Variants in PRELID2 observed in about 807,000 individuals in gnomAD.
PRELID2 encodes the protein PRELI domain containing 2.
PRELID2 carries 25 observed loss-of-function variants against 28.4 expected under a neutral mutation model. The ratio of observed to expected loss-of-function variants is 0.88; its 90% CI spans 0.64 to 1.23. PRELID2 has a LOEUF of 1.23. Among genes scored for constraint, PRELID2 ranks in the 50% most tolerant of loss-of-function variants. The pLI is 0.00. For missense variants in PRELID2, 201 were observed against 214.4 expected, an observed-to-expected ratio of 0.94 and a Z score of 0.39; for synonymous variants, 76 against 71.6, an observed-to-expected ratio of 1.06 and a Z score of -0.31.
chr5:145,357,466 C>T, the PRELID2 span, among the ~76,000 whole-genome samples: 1 of 152,004 alleles, frequency 6.6e-6, no homozygotes, highest in Non-Finnish European at 1.5e-5. Context: ...TTTTTGCCTG[C>T]CTGACTTATT....
chr5:145,295,932 G>A, the PRELID2 span, among the ~76,000 whole-genome samples: 4 of 152,038 alleles, frequency 2.6e-5, no homozygotes, highest in East Asian at 7.7e-4. Flanking sequence ...AAATGAATTA[G>A]GACTTAAGAC....
At chr5:145,560,286 C>A (rs1752915755) in intron 1 of PRELID2, among the ~76,000 whole-genome samples, 1 of 152,170 alleles carries the variant, frequency 6.6e-6, no homozygotes, top group Admixed American at 6.5e-5. Flanking sequence ...TACTTATTCT[C>A]CCCTCTTTCT....
At chr5:145,459,543 A>G in the PRELID2 span, among the ~76,000 whole-genome samples, 1 of 152,042 alleles carries the variant, frequency 6.6e-6, no homozygotes, top group Non-Finnish European at 1.5e-5. Flanking sequence ...ATTCCCAATG[A>G]ACAATTTAAG....
At chr5:145,598,300 G>T (rs1279310705) in intron 1 of PRELID2, among the ~76,000 whole-genome samples, 1 of 152,120 alleles carries the variant, frequency 6.6e-6, no homozygotes, top group African/African-American at 2.4e-5. Context: ...TTAGAGTGGA[G>T]AAAGCAGTCT....
At chr5:145,721,546 C>A (rs1755990182) in intron 1 of PRELID2, among the ~76,000 whole-genome samples, 1 of 152,078 alleles carries the variant, frequency 6.6e-6, no homozygotes, top group Admixed American at 6.5e-5. Context: ...AATAAAATCA[C>A]ATAGTAATTT....
At chr5:145,282,499 T>G in the PRELID2 span, among the ~76,000 whole-genome samples, 1 of 152,042 alleles carries the variant, frequency 6.6e-6, no homozygotes, top group Admixed American at 6.6e-5. Flanking sequence ...ATAAATTGAC[T>G]TCTGAGACAG....
intron 1 of PRELID2, among the ~76,000 whole-genome samples, chr5:145,741,341 A>AATTATATATAAAT (rs1168378486): frequency 7.0e-4 from 3 of 4,256 alleles, no homozygotes; most frequent in Non-Finnish European, 2.8e-3. Context: ...TATATAAATA[A>AATTATATATAAAT]AATTTATTAA....
chr5:145,807,549 A>C (rs7704574), intron 4 of PRELID2, among the ~76,000 whole-genome samples: 76,370 of 151,504 alleles, frequency 0.5, 23,197 homozygotes, highest in Non-Finnish European at 0.69. Context: ...CCAGAGTCAA[A>C]GAGCACATAA....
chr5:145,611,783 G>A (rs1432452975), intron 1 of PRELID2, among the ~76,000 whole-genome samples: 1 of 152,012 alleles, frequency 6.6e-6, no homozygotes, highest in East Asian at 1.9e-4. Context: ...TGTTTGTTGT[G>A]GTAAATGAAA....
chr5:145,561,027 A>G (rs1275847748), intron 1 of PRELID2, among the ~76,000 whole-genome samples: 3 of 150,630 alleles, frequency 2.0e-5, no homozygotes, highest in Non-Finnish European at 3.0e-5. Flanking sequence ...TTTTTTTCCT[A>G]AAATGTTCTT....
At chr5:145,232,809 A>T in the PRELID2 span, among the ~76,000 whole-genome samples, 1 of 152,086 alleles carries the variant, frequency 6.6e-6, no homozygotes, top group African/African-American at 2.4e-5. Flanking sequence ...CTACCAAATA[A>T]TAGTACCCAC....
chr5:145,297,775 A>G, the PRELID2 span, among the ~76,000 whole-genome samples: 1 of 152,148 alleles, frequency 6.6e-6, no homozygotes, highest in Non-Finnish European at 1.5e-5. Context: ...GCAAAGTCTC[A>G]GGATACAAAA....
chr5:145,333,684 A>G, the PRELID2 span, among the ~76,000 whole-genome samples: 1 of 152,138 alleles, frequency 6.6e-6, no homozygotes, highest in Non-Finnish European at 1.5e-5. Flanking sequence ...ATTTCAAGTC[A>G]GTGAATCTTA....
intron 1 of PRELID2, among the ~76,000 whole-genome samples, chr5:145,483,610 T>C (rs758856531): frequency 6.6e-6 from 1 of 152,188 alleles, no homozygotes; most frequent in African/African-American, 2.4e-5. Flanking sequence ...CAAGAGGTTG[T>C]ATTACCAACT....
chr5:145,808,393 C>T (rs772627001), intron 4 of PRELID2, among the ~76,000 whole-genome samples: 39 of 152,098 alleles, frequency 2.6e-4, no homozygotes, highest in Non-Finnish European at 5.3e-4. Context: ...AAAAATGGGA[C>T]ACACCAAAAA....
the PRELID2 span, among the ~76,000 whole-genome samples, chr5:145,381,922 A>C: frequency 6.6e-6 from 1 of 151,922 alleles, no homozygotes; most frequent in African/African-American, 2.4e-5. Flanking sequence ...CAAGAGGAAA[A>C]AAAATCTATT....
intron 5 of PRELID2, among the ~76,000 whole-genome samples, chr5:145,772,703 A>G (rs1335307369): frequency 6.6e-6 from 1 of 152,232 alleles, no homozygotes; most frequent in Admixed American, 6.5e-5. Flanking sequence ...CCAAGGATTA[A>G]GTTTCCAACA....
At chr5:145,834,884 C>T (rs1581314361) in intron 1 of PRELID2, 1 of 350,492 alleles carries the variant, frequency 2.9e-6, no homozygotes, top group Non-Finnish European at 5.2e-6. Context: ...ACACGTCGGT[C>T]ATCTGCAACT....
chr5:145,450,776 C>G, the PRELID2 span: 3 of 152,132 alleles, frequency 2.0e-5, no homozygotes, highest in Non-Finnish European at 4.4e-5. Context: ...GTCTGCCTAG[C>G]CAGAGTAGCA....
Sources: gnomAD v4.1 joint callset for allele counts (sites outside exome capture counted in the v4.1 genomes callset) on GRCh38, gnomAD v4.1.1 for gene constraint, MANE v1.5 for transcripts, NCBI Gene and HGNC (gene_info 2026-07-23, HGNC 2026-07-21) for gene names.